The following OSBPL5 variants were observed in gnomAD, a reference collection of about 807,000 sequenced individuals.
The protein encoded by OSBPL5 is oxysterol binding protein like 5.
In OSBPL5, 71 loss-of-function variants were observed where a neutral mutation model predicts 111.2. The ratio of observed to expected loss-of-function variants is 0.64; its 90% CI spans 0.53 to 0.78. The LOEUF is 0.78. Among genes scored for constraint, OSBPL5 ranks in the 30% least tolerant of loss-of-function variants. The pLI is 0.00. For synonymous variants in OSBPL5, 549 were observed against 513.9 expected (o/e 1.07, Z -0.93); for missense variants, 1,210 against 1,189.3 (o/e 1.02, Z -0.26).
intron 11 of OSBPL5, among the ~76,000 whole-genome samples, chr11:3,102,887 A>G (rs1204648300): frequency 2.0e-5 from 3 of 152,122 alleles, no homozygotes; most frequent in Non-Finnish European, 2.9e-5. Flanking sequence ...AAAACCACAG[A>G]TCCCAAAGGT....
intron 1 of OSBPL5, among the ~76,000 whole-genome samples, chr11:3,131,885 C>G (rs1845814832): frequency 1.6e-5 from 1 of 62,614 alleles, no homozygotes; most frequent in Non-Finnish European, 3.1e-5. Flanking sequence ...ATCCACCCAT[C>G]CACCCACCCT....
chr11:3,122,509 G>T (rs1405962939), intron 3 of OSBPL5, 81 bp from the exon 4 acceptor site: 2 of 1,313,974 alleles, frequency 1.5e-6, no homozygotes, highest in Non-Finnish European at 2.1e-6. Flanking sequence ...TGATGCCAAG[G>T]ATATGAGGGC....
rs1421836633 is a variant in OSBPL5 at position 3,110,599 on chromosome 11, G to A, written c.692-2654C>T. 6.6e-6 allele frequency among the ~76,000 whole-genome samples: 1 copy of A among 152,138 alleles called. No homozygotes were observed. Among genetic ancestry groups the A allele is most frequent in the Non-Finnish European group, 1.5e-5 (1 of 68,038 alleles). On this transcript the variant is annotated intron_variant, in intron 7 of 21. Transcript: ENST00000263650. The surrounding 1 kb of genome is among the most constrained non-coding windows in gnomAD (Gnocchi z 5.3). Reference sequence around the variant, plus strand: ...AATCTTGGGCCCCTCAAATCACTAAGCTAAAGGGAAAAACCCAAGCTGGGA... The same window carrying A: ...AATCTTGGGCCCCTCAAATCACTAAACTAAAGGGAAAAACCCAAGCTGGGA...
At chr11:3,144,848 C>T (rs932543312) in intron 1 of OSBPL5, among the ~76,000 whole-genome samples, 3 of 152,358 alleles carry the variant, frequency 2.0e-5, no homozygotes, top group African/African-American at 7.2e-5. Context: ...GAGAGCCACC[C>T]CCCGGCACCC....
intron 1 of OSBPL5, among the ~76,000 whole-genome samples, chr11:3,137,954 G>A (rs949596535): frequency 1.3e-5 from 2 of 152,242 alleles, no homozygotes; most frequent in African/African-American, 2.4e-5. Flanking sequence ...CTGAGGGGGA[G>A]GCCAGGCCTC....
Position 3,150,306 on chromosome 11 carries a change from T to C in OSBPL5, c.-22+14910A>G, listed in dbSNP as rs144955215. 1.1e-3 allele frequency among the ~76,000 whole-genome samples: 166 copies of C among 152,162 alleles called. 1 individual carries two copies. The highest frequency in any genetic ancestry group is 3.8e-3 in the African/African-American group (157 of 41,476). On this transcript the variant is annotated intron_variant, in intron 1 of 21. Coordinates refer to ENST00000263650, the MANE Select transcript of OSBPL5 (RefSeq NM_020896.4). ...CCCTCACTTTTTAAAGACAGCTTTT[T>C]TTAAAAAAAAAGTTTTTTGGTTCCC...
At chr11:3,088,616 C>T (rs1856955455) in intron 21 of OSBPL5, among the ~76,000 whole-genome samples, 1 of 152,144 alleles carries the variant, frequency 6.6e-6, no homozygotes, top group South Asian at 2.1e-4. Context: ...CATCCTCCCT[C>T]CCACCCCTGT....
At position 3,126,792 on chromosome 11, in the gene OSBPL5, G is replaced by A. The variant is rs1428581672; in HGVS notation, c.137-237C>T. The stretch of plus-strand genomic sequence containing the variant: ...TGGCAGGGCCTCCAGGACCTACAGG[G>A]AGGAAGCTGGGACAGGAGCTGGTAG... On this transcript the variant is annotated intron_variant, in intron 2 of 21. Transcript: ENST00000263650. This position sits in a 1 kb window ranked among gnomAD's most constrained non-coding sequence, Gnocchi z 6.5. 1.6e-5 allele frequency: 7 copies of A among 439,072 alleles called. No individual in the cohort carries two copies. Among genetic ancestry groups the A allele is most frequent in the Admixed American group, 4.1e-5 (1 of 24,314 alleles). The allele number at this position is 439,072 out of a possible 1,614,324, so 27.2% of individuals were successfully genotyped here. A position where few individuals can be genotyped will look rare whatever the true frequency, so the allele number is the denominator to read the frequency against.
At chr11:3,111,654 C>G (rs1183380863) in intron 7 of OSBPL5, among the ~76,000 whole-genome samples, 1 of 152,096 alleles carries the variant, frequency 6.6e-6, no homozygotes, top group South Asian at 2.1e-4. Flanking sequence ...AACAAGGCCT[C>G]TGAAGTGGCT....
intron 1 of OSBPL5, among the ~76,000 whole-genome samples, chr11:3,133,312 GA>G (rs1845861960): frequency 6.6e-6 from 1 of 152,226 alleles, no homozygotes; most frequent in African/African-American, 2.4e-5. Flanking sequence ...GGGAGAGAAG[GA>G]AAGAAGGATG....
At chr11:3,097,947 A>G (rs541918875) in intron 14 of OSBPL5, among the ~76,000 whole-genome samples, 18 of 152,296 alleles carry the variant, frequency 1.2e-4, no homozygotes, top group African/African-American at 4.3e-4. Context: ...GGGCGCCTGT[A>G]GTCCCAGCTA....
rs1028148309 is a variant in OSBPL5, at chr11:3,113,194, T to G, written c.692-5249A>C. On this transcript the variant is annotated intron_variant, in intron 7 of 21. Transcript: ENST00000263650. The surrounding 1 kb of genome is among the most constrained non-coding windows in gnomAD (Gnocchi z 4.8). ...TAAATAAAATCTTTAATAAATAAGC[T>G]AGCTTTAAAATTATTGGTAAAGTAA... is the stretch of plus-strand genomic sequence containing the variant. Among the ~76,000 whole-genome samples, 12 of 152,354 alleles carry G rather than the reference T, an allele frequency of 7.9e-5. No homozygotes were observed. The highest frequency in any genetic ancestry group is 2.9e-4 in the African/African-American group (12 of 41,586).
chr11:3,103,847 CT>C lies in OSBPL5; in HGVS notation c.1244+345del, dbSNP rs1218672205. ...AGCCCCCTTCCAGCCTCTGCAGCCCCTTTCCAGTCTGCGCAGCCCCCTTCCT... is the reference window on the plus strand; with the variant it reads ...AGCCCCCTTCCAGCCTCTGCAGCCCCTTCCAGTCTGCGCAGCCCCCTTCCT... On this transcript the variant is annotated intron_variant, in intron 10 of 21. Transcript: ENST00000263650. 9.4e-3 allele frequency among the ~76,000 whole-genome samples: 673 copies of C among 71,498 alleles called. 28 individuals carry two copies. Among genetic ancestry groups the C allele is most frequent in the Admixed American group, 0.013 (86 of 6,546 alleles). The allele number at this position is 71,498 out of a possible 152,430, so 46.9% of individuals were successfully genotyped here.
In OSBPL5 at chr11:3,126,396, T is replaced by C; in HGVS notation, c.219+77A>G. Reference sequence around the variant, plus strand: ...GCAGGCTCAGCTGGACGCCCTGCTGTCCTTTTCCCCAGCCGTTTCCTGCTG... The same window carrying C: ...GCAGGCTCAGCTGGACGCCCTGCTGCCCTTTTCCCCAGCCGTTTCCTGCTG... On this transcript the variant is annotated intron_variant, in intron 3 of 21. Transcript: ENST00000263650. The surrounding 1 kb of genome is among the most constrained non-coding windows in gnomAD (Gnocchi z 6.5). 3 of 1,332,280 alleles carry C rather than the reference T, an allele frequency of 2.3e-6. No homozygotes were observed. Among genetic ancestry groups the C allele is most frequent in the Non-Finnish European group, 3.0e-6 (3 of 999,870 alleles). 82.5% of individuals were successfully genotyped at this position (1,332,280 alleles called of 1,614,324 possible).
At chr11:3,115,329 A>G (rs1858173226) in intron 7 of OSBPL5, among the ~76,000 whole-genome samples, 1 of 152,164 alleles carries the variant, frequency 6.6e-6, no homozygotes, top group African/African-American at 2.4e-5. Context: ...TTCCGTCCTT[A>G]TATCTTCTTG....
At chr11:3,163,220 A>G (rs1420098293) in intron 1 of OSBPL5, among the ~76,000 whole-genome samples, 1 of 151,946 alleles carries the variant, frequency 6.6e-6, no homozygotes, top group Non-Finnish European at 1.5e-5. Flanking sequence ...TGAACAATAA[A>G]TGGGAATGGG....
At chr11:3,093,296 C>T (rs377706454) in intron 17 of OSBPL5, 70 of 773,314 alleles carry the variant, frequency 9.1e-5, no homozygotes, top group East Asian at 6.3e-4. Context: ...GGTCACTCGC[C>T]GGCAGTGATG....
chr11:3,101,273 A>AG lies in OSBPL5; in HGVS notation c.1522+329_1522+330insC, dbSNP rs1564827369. ...TACAGGCGTGAGCCACCATGCTTTGACTAAGTTTCATTTCATTTTAGCCAA... is the reference window on the plus strand; with the variant it reads ...TACAGGCGTGAGCCACCATGCTTTGAGCTAAGTTTCATTTCATTTTAGCCAA... On this transcript the variant is annotated intron_variant, in intron 13 of 21. Transcript: ENST00000263650. 2.8e-3 allele frequency among the ~76,000 whole-genome samples: 3 copies of AG among 1,058 alleles called. No homozygotes were observed. The East Asian group carries it at 0.075, about 26-fold the overall frequency. 0.7% of individuals were successfully genotyped at this position (1,058 alleles called of 152,430 possible). A position where few individuals can be genotyped will look rare whatever the true frequency, so the allele number is the denominator to read the frequency against.
chr11:3,093,927 T>G, intron 15 of OSBPL5, 92 bp from the exon 16 acceptor site: 1 of 1,451,026 alleles, frequency 6.9e-7, no homozygotes, highest in Non-Finnish European at 9.3e-7. Flanking sequence ...GTTATTCTCT[T>G]GGGGTGCCTG....
Sources: allele counts gnomAD v4.1 joint callset (sites outside exome capture counted in the v4.1 genomes callset), GRCh38; gene constraint gnomAD v4.1.1; non-coding constraint Gnocchi (gnomAD v3.1); transcripts MANE v1.5; gene names NCBI Gene and HGNC (gene_info 2026-07-23, HGNC 2026-07-21).